ARSG: variants seen among roughly 807,000 people sequenced by gnomAD.
ARSG encodes ASG.
In ARSG, 37 loss-of-function variants were observed where a neutral mutation model predicts 50.5. The ratio of observed to expected loss-of-function variants is 0.73; its 90% CI spans 0.56 to 0.96. The LOEUF (loss-of-function observed/expected upper bound fraction) is 0.96, where lower values mean the gene tolerates loss of function less well. Ranked by LOEUF, ARSG falls within the 50% of genes least tolerant of loss-of-function variation. The pLI, the probability that ARSG is intolerant of heterozygous loss-of-function variation, is 0.00. For missense variants in ARSG, 629 were observed against 675.3 expected, an observed-to-expected ratio of 0.93 and a Z score of 0.76; for synonymous variants, 225 against 254.6, an observed-to-expected ratio of 0.88 and a Z score of 1.11.
intron 1 of ARSG, among the ~76,000 whole-genome samples, chr17:68,294,691 T>G (rs1275961413): frequency 6.6e-6 from 1 of 152,212 alleles, no homozygotes; most frequent in African/African-American, 2.4e-5. Context: ...GGCAAGTGAC[T>G]TGTATGCCAC....
chr17:68,396,200 A>G (rs1168525929), intron 10 of ARSG, among the ~76,000 whole-genome samples: 1 of 152,102 alleles, frequency 6.6e-6, no homozygotes, highest in East Asian at 1.9e-4. Context: ...TATCTTTAGT[A>G]TAGGTGAGGT....
chr17:68,271,191 G>A lies in ARSG; in HGVS notation c.-552+11765G>A. ...AAAAAGCAGCGCGGTCCTGGTCAATGCCCAGACTAATGCCCAGAGGAATGA... is the reference window on the plus strand; with the variant it reads ...AAAAAGCAGCGCGGTCCTGGTCAATACCCAGACTAATGCCCAGAGGAATGA... On this transcript the variant is annotated intron_variant, in intron 1 of 11. Transcript: ENST00000448504. The surrounding 1 kb of genome is among the most constrained non-coding windows in gnomAD (Gnocchi z 5.3). 1 of 1,613,986 alleles carries A rather than the reference G, an allele frequency of 6.2e-7. No homozygotes were observed. Among genetic ancestry groups the A allele is most frequent in the Non-Finnish European group, 8.5e-7 (1 of 1,180,036 alleles).
chr17:68,322,488 G>A (rs576302624), intron 2 of ARSG, among the ~76,000 whole-genome samples: 10 of 152,192 alleles, frequency 6.6e-5, no homozygotes, highest in East Asian at 3.9e-4. Flanking sequence ...ATGGTGTTGC[G>A]TGCCTGTAGT....
intron 9 of ARSG, among the ~76,000 whole-genome samples, chr17:68,393,363 G>A (rs536783589): frequency 3.3e-5 from 5 of 152,074 alleles, no homozygotes; most frequent in South Asian, 2.1e-4. Flanking sequence ...GTGGATCCAC[G>A]CTGTATACGC....
In ARSG at chr17:68,378,264, C is replaced by T. The variant is rs958401841; in HGVS notation, c.983-6800C>T. ...GAGAAGGCGGTCAATGTTTTCGCAA[C>T]GGAGTAGGACAAACAGTACCCGGAG... On this transcript the variant is annotated intron_variant, in intron 8 of 11. Transcript: ENST00000621439. The surrounding 1 kb of genome is among the most constrained non-coding windows in gnomAD (Gnocchi z 4.4). 2.0e-5 allele frequency among the ~76,000 whole-genome samples: 3 copies of T among 152,208 alleles called. No homozygotes were observed. The highest frequency in any genetic ancestry group is 4.4e-5 in the Non-Finnish European group (3 of 68,038).
chr17:68,410,333 G>A (rs2081943067), intron 11 of ARSG, among the ~76,000 whole-genome samples: 1 of 143,068 alleles, frequency 7.0e-6, no homozygotes, highest in Admixed American at 7.1e-5. Context: ...TTAGCATGAA[G>A]GGTTGTTGAA....
chr17:68,296,713 G>T (rs149166385), intron 1 of ARSG, among the ~76,000 whole-genome samples: 1 of 152,108 alleles, frequency 6.6e-6, no homozygotes, highest in African/African-American at 2.4e-5. Context: ...TAGCCCACTC[G>T]TGAGCACTGA....
At chr17:68,382,951 A>T (rs1429880230) in intron 8 of ARSG, among the ~76,000 whole-genome samples, 1 of 152,180 alleles carries the variant, frequency 6.6e-6, no homozygotes, top group African/African-American at 2.4e-5. Context: ...AAGTGGCCAC[A>T]CTGAGAGGCT....
chr17:68,390,097 C>T (rs1055221469), intron 9 of ARSG, among the ~76,000 whole-genome samples: 2 of 152,148 alleles, frequency 1.3e-5, no homozygotes, highest in Non-Finnish European at 2.9e-5. Flanking sequence ...AAGTGATTCT[C>T]CTGCCTCAGT....
At chr17:68,445,878 A>G in the ARSG span, among the ~76,000 whole-genome samples, 2 of 152,174 alleles carry the variant, frequency 1.3e-5, no homozygotes, top group Non-Finnish European at 2.9e-5. Flanking sequence ...CTGGATGCCC[A>G]AGGAGCTGCC....
At chr17:68,437,012 A>ATGTGTGTGTGTGTG in the ARSG span, among the ~76,000 whole-genome samples, 1,266 of 81,970 alleles carry the variant, frequency 0.015, 20 homozygotes, top group African/African-American at 0.057. Flanking sequence ...AAAAATATAT[A>ATGTGTGTGTGTGTG]TATATGTGTG....
At chr17:68,300,979 G>A (rs920037680) in intron 1 of ARSG, among the ~76,000 whole-genome samples, 5 of 151,916 alleles carry the variant, frequency 3.3e-5, no homozygotes, top group Non-Finnish European at 7.4e-5. Context: ...TTAGCCGGGC[G>A]TGGTGGCGGG....
chr17:68,380,532 G>A (rs1054070631), intron 8 of ARSG, among the ~76,000 whole-genome samples: 1 of 152,160 alleles, frequency 6.6e-6, no homozygotes, highest in Non-Finnish European at 1.5e-5. Context: ...GCCTCCCAAA[G>A]TGGTGGGATT....
chr17:68,274,179 A>G, intron 1 of ARSG: 2 of 1,236,862 alleles, frequency 1.6e-6, no homozygotes, highest in Non-Finnish European at 2.2e-6. Flanking sequence ...GTCGAATATA[A>G]ATATGGCCGA....
chr17:68,278,423 C>A, intron 1 of ARSG: 2 of 703,472 alleles, frequency 2.8e-6, no homozygotes, highest in East Asian at 2.7e-5. Context: ...AACTACTTAC[C>A]CCATTTCTTA....
the ARSG span, among the ~76,000 whole-genome samples, chr17:68,439,089 C>G: frequency 6.6e-6 from 1 of 152,106 alleles, no homozygotes; most frequent in East Asian, 1.9e-4. Flanking sequence ...TCTTCAAAAG[C>G]TAAACATAAA....
At chr17:68,389,167 C>T (rs929366697) in intron 9 of ARSG, among the ~76,000 whole-genome samples, 21 of 152,220 alleles carry the variant, frequency 1.4e-4, no homozygotes, top group Admixed American at 1.3e-3. Flanking sequence ...GTCGCCTTTC[C>T]AAGTCCTCTC....
rs572177996 is a variant in ARSG at position 68,329,448 on chromosome 17, G to C, written c.219-14156G>C. ...GCTGTCTCCACATTGTGCTGTAAGGGGACTGCTTTCCGTGGAGCTGGGCGG... is the reference window on the plus strand; with the variant it reads ...GCTGTCTCCACATTGTGCTGTAAGGCGACTGCTTTCCGTGGAGCTGGGCGG... On this transcript the variant is annotated intron_variant, in intron 2 of 11. Transcript: ENST00000621439. Among the ~76,000 whole-genome samples the C allele has an allele frequency of 3.2e-3, 482 of 152,298 alleles. 2 individuals are homozygous for C. Among genetic ancestry groups the C allele is most frequent in the African/African-American group, 0.011 (468 of 41,556 alleles).
intron 6 of ARSG, among the ~76,000 whole-genome samples, chr17:68,358,298 T>A (rs2079124427): frequency 6.6e-6 from 1 of 151,910 alleles, no homozygotes; most frequent in Non-Finnish European, 1.5e-5. Flanking sequence ...GTAATCCCAG[T>A]GCTTTGGGAT....
Sources: gnomAD v4.1 joint callset for allele counts (sites outside exome capture counted in the v4.1 genomes callset) on GRCh38, gnomAD v4.1.1 for gene constraint, Gnocchi (gnomAD v3.1) non-coding constraint, MANE v1.5 for transcripts, NCBI Gene and HGNC (gene_info 2026-07-23, HGNC 2026-07-21) for gene names.